Variants in SULF2 observed in about 807,000 individuals in gnomAD.
SULF2 encodes sulfatase 2.
SULF2 carries 52 observed loss-of-function variants against 107.7 expected under a neutral mutation model. The observed-to-expected ratio is 0.48, with a 90% CI of 0.39 to 0.61. SULF2 has a LOEUF of 0.61. Ranked by LOEUF, SULF2 falls within the 20% of genes least tolerant of loss-of-function variation. The pLI is 0.00. For missense variants in SULF2, 993 were observed against 1,177.3 expected (o/e 0.84, Z 2.29); for synonymous variants, 460 against 464.3 (o/e 0.99, Z 0.12).
chr20:47,700,322 C>T (rs953152473), intron 4 of SULF2, among the ~76,000 whole-genome samples: 6 of 152,182 alleles, frequency 3.9e-5, no homozygotes, highest in South Asian at 2.1e-4. Flanking sequence ...CACACTATAA[C>T]GGCAGACTTC....
At chr20:47,740,326 C>T (rs1016006772) in intron 2 of SULF2, among the ~76,000 whole-genome samples, 1 of 152,184 alleles carries the variant, frequency 6.6e-6, no homozygotes, top group Non-Finnish European at 1.5e-5. Flanking sequence ...CACAGTCACA[C>T]GGGAGGTGGT....
At chr20:47,752,746 G>A (rs180835349) in intron 2 of SULF2, among the ~76,000 whole-genome samples, 132 of 150,272 alleles carry the variant, frequency 8.8e-4, no homozygotes, top group African/African-American at 3.0e-3. Flanking sequence ...GCGAGACCCC[G>A]TCTCAAAAAA....
At position 47,677,144 on chromosome 20, in the gene SULF2, AG is replaced by A. The variant is rs552948836; in HGVS notation, c.1194-11del. 1,294 of 1,613,410 alleles carry A rather than the reference AG, an allele frequency of 8.0e-4. 1 individual carries two copies. The highest frequency in any genetic ancestry group is 2.0e-3 in the Admixed American group (119 of 59,974). ...CTTTTTCAAGTGAAACCTGGAAAAAAGCACGGCTCCTGCTTCTCAGCAACAT... is the reference window on the plus strand; with the variant it reads ...CTTTTTCAAGTGAAACCTGGAAAAAACACGGCTCCTGCTTCTCAGCAACAT... On this transcript the variant is annotated splice_polypyrimidine_tract_variant and intron_variant, in intron 8 of 20. Transcript: ENST00000688720.
At chr20:47,681,757 C>T (rs534497393) in intron 7 of SULF2, among the ~76,000 whole-genome samples, 98 of 152,338 alleles carry the variant, frequency 6.4e-4, no homozygotes, top group African/African-American at 2.2e-3. Context: ...ATGATCTCGG[C>T]TCACTGCAAC....
chr20:47,747,437 C>G (rs2090068931), intron 2 of SULF2, among the ~76,000 whole-genome samples: 1 of 152,086 alleles, frequency 6.6e-6, no homozygotes, highest in African/African-American at 2.4e-5. Context: ...CTGCTATGGT[C>G]ATCGTCAACC....
chr20:47,696,555 C>A (rs978039381), intron 4 of SULF2, among the ~76,000 whole-genome samples: 1 of 152,174 alleles, frequency 6.6e-6, no homozygotes, highest in African/African-American at 2.4e-5. Context: ...CTGACAAATA[C>A]AGCAGTGAAC....
At chr20:47,681,037 T>G (rs1360156427) in intron 7 of SULF2, among the ~76,000 whole-genome samples, 1 of 152,242 alleles carries the variant, frequency 6.6e-6, no homozygotes, top group Non-Finnish European at 1.5e-5. Context: ...GCCTCAGGTC[T>G]TCTGTTCAAA....
rs762597040 is a variant in SULF2 at position 47,666,478 on chromosome 20, G to A, written c.1587C>T (p.Ala529=). 5.0e-6 allele frequency: 8 copies of A among 1,612,778 alleles called. No homozygotes were observed. The South Asian group carries it at 6.6e-5, about 13-fold the overall frequency. Reference sequence around the variant, plus strand: ...GGATGGAGCGACTGCGGACATAGCTGGCCTTGTACTCTGTGGGCATTAGAG... The same window carrying A: ...GGATGGAGCGACTGCGGACATAGCTAGCCTTGTACTCTGTGGGCATTAGAG... ...RKKLFKKKYK[A]SYVRSRSIRS... is the part of the protein sequence containing the mutation. The change falls in exon 12 of 21, where the codon GCC becomes GCT. Residue 529 remains alanine, a synonymous_variant. Transcript: ENST00000688720. This position sits in a 1 kb window ranked among gnomAD's most constrained non-coding sequence, Gnocchi z 5.4.
chr20:47,728,306 G>T (rs1568867522), intron 3 of SULF2, among the ~76,000 whole-genome samples: 1 of 152,164 alleles, frequency 6.6e-6, no homozygotes. Flanking sequence ...CAAAGAGAAG[G>T]CTGCCATTGT....
intron 1 of SULF2, among the ~76,000 whole-genome samples, chr20:47,778,814 A>T (rs2090770376): frequency 6.6e-6 from 1 of 152,214 alleles, no homozygotes; most frequent in Non-Finnish European, 1.5e-5. Context: ...CATCAAATAG[A>T]TTCATGACAG....
intron 5 of SULF2, among the ~76,000 whole-genome samples, chr20:47,689,268 T>C (rs1290206210): frequency 6.6e-6 from 1 of 152,202 alleles, no homozygotes; most frequent in Admixed American, 6.5e-5. Flanking sequence ...CCCTCCACAT[T>C]GTAGAAGGAC....
chr20:47,737,763 T>TG (rs1242274798), intron 2 of SULF2, among the ~76,000 whole-genome samples: 4 of 133,786 alleles, frequency 3.0e-5, no homozygotes, highest in South Asian at 2.6e-4. Flanking sequence ...TTGTTTTTTT[T>TG]TTTTTTTTTT....
chr20:47,662,977 A>G (rs1304308336), intron 17 of SULF2, 93 bp downstream of exon 17: 2 of 1,447,406 alleles, frequency 1.4e-6, no homozygotes, highest in African/African-American at 2.8e-5. Context: ...GGACTTGGAC[A>G]ATTTGTCATC....
chr20:47,759,808 C>T lies in SULF2; in HGVS notation c.-100-2345G>A, dbSNP rs138358470. Among the ~76,000 whole-genome samples, 4 of 152,332 alleles carry T rather than the reference C, an allele frequency of 2.6e-5. No individual in the cohort carries two copies. The East Asian group carries it at 7.7e-4, about 29-fold the overall frequency. ...CTGGCCACCCTATTTAAAGCGGGGGCCCCCAACCCAGGCACTCTGCATTTT... is the reference window on the plus strand; with the variant it reads ...CTGGCCACCCTATTTAAAGCGGGGGTCCCCAACCCAGGCACTCTGCATTTT... On this transcript the variant is annotated intron_variant, in intron 1 of 20. Coordinates refer to ENST00000688720, the MANE Select transcript of SULF2 (RefSeq NM_001387048.1).
intron 11 of SULF2, among the ~76,000 whole-genome samples, chr20:47,670,785 T>C (rs2087443640): frequency 6.8e-6 from 1 of 146,882 alleles, no homozygotes. Context: ...GAAGAGTTCA[T>C]TTAGCAGATA....
intron 10 of SULF2, 90 bp downstream of exon 10, chr20:47,676,404 C>T: frequency 1.4e-6 from 2 of 1,478,932 alleles, no homozygotes; most frequent in Non-Finnish European, 1.8e-6. Context: ...GGCCCTGGCC[C>T]TGCTGGCTCA....
At chr20:47,784,370 G>A (rs1476489928) in intron 1 of SULF2, among the ~76,000 whole-genome samples, 1 of 152,078 alleles carries the variant, frequency 6.6e-6, no homozygotes, top group African/African-American at 2.4e-5. Flanking sequence ...AGAAAGGGGG[G>A]CAGGGAATGA....
intron 1 of SULF2, among the ~76,000 whole-genome samples, chr20:47,782,475 C>T (rs1425261272): frequency 6.6e-6 from 1 of 152,208 alleles, no homozygotes; most frequent in Non-Finnish European, 1.5e-5. Flanking sequence ...GGAGGGCCCC[C>T]TCACCTGCAG....
intron 7 of SULF2, among the ~76,000 whole-genome samples, chr20:47,682,193 G>T (rs564808922): frequency 6.6e-6 from 1 of 152,316 alleles, no homozygotes; most frequent in Non-Finnish European, 1.5e-5. Flanking sequence ...AATGTCCAAG[G>T]CAGTGGGAAC....
Sources: allele counts gnomAD v4.1 joint callset (sites outside exome capture counted in the v4.1 genomes callset), GRCh38; gene constraint gnomAD v4.1.1; non-coding constraint Gnocchi (gnomAD v3.1); transcripts MANE v1.5; gene names NCBI Gene and HGNC (gene_info 2026-07-23, HGNC 2026-07-21).